IQCB1: variants seen among roughly 807,000 people sequenced by gnomAD.
The protein encoded by IQCB1 is IQ motif containing B1, also known as IQ calmodulin-binding motif-containing protein 1.
In IQCB1, 56 loss-of-function variants were observed where a neutral mutation model predicts 84.4. The observed-to-expected ratio is 0.66, with a 90% CI of 0.54 to 0.83. IQCB1 has a LOEUF of 0.83. Ranked by LOEUF, IQCB1 falls within the 40% of genes least tolerant of loss-of-function variation. IQCB1 has a pLI of 0.00. For missense variants in IQCB1, 629 were observed against 682.1 expected, an observed-to-expected ratio of 0.92 and a Z score of 0.87; for synonymous variants, 210 against 234.8, an observed-to-expected ratio of 0.89 and a Z score of 0.96.
chr3:121,825,980 T>C, intron 5 of IQCB1, 71 bp downstream of exon 5: 1 of 1,379,608 alleles, frequency 7.2e-7, no homozygotes, highest in Non-Finnish European at 1.0e-6. Flanking sequence ...ATATTGCACA[T>C]TTAAAAAATA....
At chr3:121,770,715 C>CT (rs1947943834) in intron 14 of IQCB1, 141 bp from the exon 15 acceptor site, 2 of 739,736 alleles carry the variant, frequency 2.7e-6, no homozygotes, top group South Asian at 2.9e-5. Flanking sequence ...AAGGGTCTTG[C>CT]TCTATTGCCT....
chr3:121,781,835 G>C lies in IQCB1; in HGVS notation c.1318C>G (p.Leu440Val). The change falls in exon 13 of 15, where the codon CTA (leucine) becomes GTA (valine). Residue 440 changes from leucine (L) to valine (V), a missense_variant. By Grantham distance (32) the Leu-to-Val change is conservative. Transcript: ENST00000310864. ...TGGAGTCCTCGCCAAGGAGCAAATA[G>C]TTTCTTTTTCTTACGGCACTTCGCT... ...FLAKCRKKKK[L>V]FAPWRGLQEL... The C allele has an allele frequency of 6.2e-7, 1 of 1,613,860 alleles. No homozygotes were observed. The highest frequency in any genetic ancestry group is 1.3e-5 in the African/African-American group (1 of 75,012).
At chr3:121,788,485 G>C in intron 11 of IQCB1, 53 bp from the exon 12 acceptor site, 1 of 1,495,218 alleles carries the variant, frequency 6.7e-7, no homozygotes, top group Admixed American at 1.7e-5. Context: ...GCTTTCTTAA[G>C]TTCTGGAATC....
intron 14 of IQCB1, among the ~76,000 whole-genome samples, chr3:121,771,731 T>C (rs1948000908): frequency 6.6e-6 from 1 of 152,174 alleles, no homozygotes; most frequent in Non-Finnish European, 1.5e-5. Context: ...AATTACCAAG[T>C]AGTGGCCATT....
intron 4 of IQCB1, 107 bp downstream of exon 4, chr3:121,828,363 C>T (rs1950524906): frequency 4.4e-6 from 4 of 909,008 alleles, no homozygotes; most frequent in Admixed American, 3.5e-5. Flanking sequence ...AAACCTACAA[C>T]AGGAGGTTGC....
At chr3:121,777,111 T>A (rs1482130167) in intron 13 of IQCB1, among the ~76,000 whole-genome samples, 1 of 152,266 alleles carries the variant, frequency 6.6e-6, no homozygotes, top group African/African-American at 2.4e-5. Flanking sequence ...TTTTAGGTTT[T>A]GCATTTAGGC....
At chr3:121,819,178 TGTAGAATCA>T (rs1321617964) in intron 5 of IQCB1, among the ~76,000 whole-genome samples, 2 of 152,282 alleles carry the variant, frequency 1.3e-5, no homozygotes, top group East Asian at 3.9e-4. Context: ...CTCACCATAA[TGTAGAATCA>T]GTAGAAGCCC....
chr3:121,812,135 G>C (rs987852983), intron 5 of IQCB1, among the ~76,000 whole-genome samples: 2 of 152,084 alleles, frequency 1.3e-5, no homozygotes, highest in African/African-American at 4.8e-5. Flanking sequence ...AGGCAAACAG[G>C]GTCTGGAGTG....
At chr3:121,795,818 A>G (rs1177490301) in intron 9 of IQCB1, among the ~76,000 whole-genome samples, 1 of 152,128 alleles carries the variant, frequency 6.6e-6, no homozygotes, top group East Asian at 1.9e-4. Context: ...TCCTTTTCAA[A>G]GATTTCATAG....
At chr3:121,799,453 C>A (rs969222681) in intron 7 of IQCB1, 79 bp from the exon 8 acceptor site, 2 of 879,386 alleles carry the variant, frequency 2.3e-6, no homozygotes, top group Middle Eastern at 2.3e-4. Context: ...ATATAAGATT[C>A]AGTAACTTGA....
chr3:121,830,205 A>AAATAATAAT (rs150016803), intron 2 of IQCB1, among the ~76,000 whole-genome samples: 25 of 148,512 alleles, frequency 1.7e-4, no homozygotes, highest in African/African-American at 5.7e-4. Context: ...CTCTGTCTCA[A>AAATAATAAT]AATAATAATA....
In IQCB1 at chr3:121,770,511, G is replaced by A; in HGVS notation, c.1631C>T (p.Pro544Leu). The stretch of plus-strand genomic sequence containing the variant: ...GGCCTGCTTGGCCTTGGCTGCCACA[G>A]GCCTGGATCTACTTAGGAAGAGCTC... The part of the protein sequence containing the change: ...EPELFLSRSR[P>L]VAAKAKQAHL... The change falls in exon 15 of 15, where the codon CCT becomes CTT. Residue 544 changes from proline to leucine, a missense_variant. By Grantham distance (98) the Pro-to-Leu change is moderately conservative. Transcript: ENST00000310864. 6.2e-7 allele frequency: 1 copy of A among 1,614,182 alleles called. No homozygotes were observed. The highest frequency in any genetic ancestry group is 2.2e-5 in the East Asian group (1 of 44,892).
At chr3:121,824,789 C>A (rs933366411) in intron 5 of IQCB1, among the ~76,000 whole-genome samples, 2 of 150,260 alleles carry the variant, frequency 1.3e-5, no homozygotes, top group African/African-American at 4.9e-5. Flanking sequence ...AATTTTAATA[C>A]CCTTGCTCAC....
chr3:121,809,492 G>A lies in IQCB1; in HGVS notation c.394-483C>T, dbSNP rs574987898. Among the ~76,000 whole-genome samples, 6 of 152,138 alleles carry A rather than the reference G, an allele frequency of 3.9e-5. No homozygotes were observed. The East Asian group carries it at 1.2e-3, about 29-fold the overall frequency. ...CAGCATGAGAAGCATTATTAATAGT[G>A]TATTTCAGTTCCAGTTTCTACTCAT... On this transcript the variant is annotated intron_variant, in intron 5 of 14. Transcript: ENST00000310864.
rs561190231 is a variant in IQCB1, at chr3:121,809,099, G to C, written c.394-90C>G. Reference sequence around the variant, plus strand: ...GAGACTTCTCTCTGGGGAGTTAGAGGATACAGTTTCTGGATCTAACTTAGC... The same window carrying C: ...GAGACTTCTCTCTGGGGAGTTAGAGCATACAGTTTCTGGATCTAACTTAGC... On this transcript the variant is annotated intron_variant, in intron 5 of 14. Transcript: ENST00000310864. 9.5e-5 allele frequency: 70 copies of C among 733,792 alleles called. 1 individual carries two copies. The South Asian group carries it at 1.2e-3, about 12-fold the overall frequency. The allele number at this position is 733,792 out of a possible 1,614,324, so 45.5% of individuals were successfully genotyped here.
chr3:121,806,027 C>T (rs1254755053), intron 7 of IQCB1, among the ~76,000 whole-genome samples: 1 of 152,022 alleles, frequency 6.6e-6, no homozygotes, highest in Non-Finnish European at 1.5e-5. Flanking sequence ...TTGTTTATTC[C>T]TTTTTCTCTG....
chr3:121,791,489 C>T (rs1948969501), intron 10 of IQCB1, among the ~76,000 whole-genome samples: 1 of 152,038 alleles, frequency 6.6e-6, no homozygotes, highest in Non-Finnish European at 1.5e-5. Context: ...CTTTCTTATC[C>T]CTATTATCAA....
intron 12 of IQCB1, 74 bp from the exon 13 acceptor site, chr3:121,781,948 T>C (rs1468737016): frequency 2.7e-5 from 39 of 1,427,342 alleles, no homozygotes; most frequent in Non-Finnish European, 2.9e-6. Context: ...CTACAACATA[T>C]GGTAGTGATC....
chr3:121,773,748 G>A (rs1426835127), intron 13 of IQCB1, among the ~76,000 whole-genome samples: 4 of 152,034 alleles, frequency 2.6e-5, no homozygotes, highest in Non-Finnish European at 5.9e-5. Context: ...TACATATAGT[G>A]TATTAGAAAA....
Sources: gnomAD v4.1 joint callset for allele counts (sites outside exome capture counted in the v4.1 genomes callset) on GRCh38, gnomAD v4.1.1 for gene constraint, MANE v1.5 for transcripts, NCBI Gene and HGNC (gene_info 2026-07-23, HGNC 2026-07-21) for gene names.